The following CDH13 variants were observed in gnomAD, a reference collection of about 807,000 sequenced individuals.
CDH13 encodes cadherin 13, also known as cadherin-13.
CDH13 carries 24 observed loss-of-function variants against 63.8 expected under a neutral mutation model. The observed-to-expected ratio is 0.38, with a 90% CI of 0.27 to 0.53. The LOEUF (loss-of-function observed/expected upper bound fraction) is 0.53. Among genes scored for constraint, CDH13 ranks in the 20% least tolerant of loss-of-function variants. The pLI is 0.85. For synonymous variants in CDH13, 503 were observed against 355.3 expected (o/e 1.42, Z -4.67); for missense variants, 1,049 against 903.1 (o/e 1.16, Z -2.07).
At chr16:83,591,845 C>G (rs999931403) in intron 7 of CDH13, among the ~76,000 whole-genome samples, 12 of 152,218 alleles carry the variant, frequency 7.9e-5, no homozygotes, top group Admixed American at 4.6e-4. Flanking sequence ...CTTTGGTGTC[C>G]TGAACAGAAC....
chr16:83,379,924 T>TATAC (rs1555538680), intron 6 of CDH13, among the ~76,000 whole-genome samples: 7 of 84,154 alleles, frequency 8.3e-5, no homozygotes, highest in Admixed American at 4.0e-4. Flanking sequence ...TGTGTGTATA[T>TATAC]ATATATATAT....
intron 6 of CDH13, among the ~76,000 whole-genome samples, chr16:83,392,889 G>A (rs1385381915): frequency 6.6e-6 from 1 of 151,978 alleles, no homozygotes; most frequent in African/African-American, 2.4e-5. Context: ...GAAGAATGTT[G>A]GGAATCTGGG....
At chr16:83,085,510 C>G (rs977118664) in intron 3 of CDH13, among the ~76,000 whole-genome samples, 2 of 152,178 alleles carry the variant, frequency 1.3e-5, no homozygotes, top group Non-Finnish European at 2.9e-5. Flanking sequence ...GCCAGCCATG[C>G]TTGTCCTCTT....
chr16:83,252,130 A>ATATG (rs1555519948), intron 5 of CDH13, among the ~76,000 whole-genome samples: 4 of 74,772 alleles, frequency 5.3e-5, no homozygotes, highest in African/African-American at 2.0e-4. Flanking sequence ...ACACACACAC[A>ATATG]TATATATGTA....
At chr16:82,872,397 G>C (rs1242768492) in intron 2 of CDH13, among the ~76,000 whole-genome samples, 1 of 152,130 alleles carries the variant, frequency 6.6e-6, no homozygotes, top group Admixed American at 6.5e-5. Context: ...TTTCATTTCT[G>C]TTTTTCTTTA....
chr16:82,687,722 A>C (rs1436050896), intron 1 of CDH13, among the ~76,000 whole-genome samples: 1 of 152,142 alleles, frequency 6.6e-6, no homozygotes. Context: ...CACAGAGCCA[A>C]GCCATATCAG....
chr16:83,604,006 G>A (rs147454447), intron 8 of CDH13, among the ~76,000 whole-genome samples: 4 of 152,074 alleles, frequency 2.6e-5, no homozygotes, highest in Admixed American at 2.6e-4. Flanking sequence ...CAGCACTAGG[G>A]GGGTGGGTGC....
At chr16:83,196,421 A>T (rs1334073146) in intron 4 of CDH13, among the ~76,000 whole-genome samples, 1 of 152,218 alleles carries the variant, frequency 6.6e-6, no homozygotes, top group East Asian at 1.9e-4. Context: ...CCCTAAAATG[A>T]AATTTTGATA....
chr16:82,932,946 C>T (rs938412159), intron 2 of CDH13, among the ~76,000 whole-genome samples: 47 of 152,212 alleles, frequency 3.1e-4, no homozygotes, highest in African/African-American at 4.6e-4. Context: ...TTAGTAGAGG[C>T]ATAAATGAAA....
chr16:83,434,953 A>ATATATAG (rs2072247111), intron 6 of CDH13, among the ~76,000 whole-genome samples: 1 of 145,514 alleles, frequency 6.9e-6, no homozygotes, highest in Admixed American at 7.0e-5. Context: ...TTATATATAA[A>ATATATAG]ACATAGGGGT....
chr16:83,710,147 G>C (rs1404857651), intron 10 of CDH13: 1 of 152,220 alleles, frequency 6.6e-6, no homozygotes, highest in African/African-American at 2.4e-5. Flanking sequence ...GCACTGGACA[G>C]CCTCTCTGCA....
chr16:83,729,500 C>T (rs182302871), intron 10 of CDH13, among the ~76,000 whole-genome samples: 23 of 152,240 alleles, frequency 1.5e-4, no homozygotes, highest in Non-Finnish European at 1.3e-4. Context: ...TAGCCAGATA[C>T]CACTACTCCT....
intron 6 of CDH13, among the ~76,000 whole-genome samples, chr16:83,438,021 C>T (rs1358806934): frequency 6.6e-6 from 1 of 152,136 alleles, no homozygotes; most frequent in Non-Finnish European, 1.5e-5. Flanking sequence ...GCCACCCACC[C>T]CTCACCGGTC....
chr16:83,289,418 T>A (rs571926231), intron 5 of CDH13, among the ~76,000 whole-genome samples: 1 of 152,304 alleles, frequency 6.6e-6, no homozygotes, highest in Admixed American at 6.5e-5. Context: ...AAAATGCAGA[T>A]GCCCAGGCTC....
intron 5 of CDH13, among the ~76,000 whole-genome samples, chr16:83,332,178 CTGTT>C (rs1002956316): frequency 1.5e-4 from 23 of 151,924 alleles, no homozygotes; most frequent in Admixed American, 1.5e-3. Context: ...TTACAGTTTT[CTGTT>C]TATTTTCATA....
intron 7 of CDH13, among the ~76,000 whole-genome samples, chr16:83,490,848 C>T (rs145496619): frequency 1.1e-4 from 17 of 152,326 alleles, no homozygotes; most frequent in African/African-American, 2.2e-4. Context: ...TTCCATTACA[C>T]GCTCATCCAT....
At chr16:83,733,414 G>A (rs1597144657) in intron 10 of CDH13, among the ~76,000 whole-genome samples, 1 of 152,176 alleles carries the variant, frequency 6.6e-6, no homozygotes, top group Non-Finnish European at 1.5e-5. Context: ...AGTCTCTATA[G>A]ACGGTTGTCT....
chr16:83,000,528 G>A (rs1189513475), intron 2 of CDH13, among the ~76,000 whole-genome samples: 1 of 149,024 alleles, frequency 6.7e-6, no homozygotes, highest in Admixed American at 6.7e-5. Flanking sequence ...GATTACAGGT[G>A]TGAGCCACCT....
chr16:82,965,207 A>G (rs1327163179), intron 2 of CDH13, among the ~76,000 whole-genome samples: 2 of 152,152 alleles, frequency 1.3e-5, no homozygotes, highest in Non-Finnish European at 2.9e-5. Context: ...TTTTCCCACC[A>G]GAAAGTACTC....
Sources: gnomAD v4.1 joint callset for allele counts (sites outside exome capture counted in the v4.1 genomes callset) on GRCh38, gnomAD v4.1.1 for gene constraint, MANE v1.5 for transcripts, NCBI Gene and HGNC (gene_info 2026-07-23, HGNC 2026-07-21) for gene names.